Variants in DAGLB observed in about 807,000 individuals in gnomAD.
DAGLB encodes diacylglycerol lipase beta.
In DAGLB, 66 loss-of-function variants were observed where a neutral mutation model predicts 72.1. That is an observed-to-expected ratio of 0.92 (90% CI 0.75 to 1.12). The LOEUF (loss-of-function observed/expected upper bound fraction) is 1.12, where lower values mean the gene tolerates loss of function less well. Among genes scored for constraint, DAGLB ranks in the 50% most tolerant of loss-of-function variants. The pLI, the probability that DAGLB is intolerant of heterozygous loss-of-function variation, is 0.00. For synonymous variants in DAGLB, 414 were observed against 359.5 expected (o/e 1.15, Z -1.71); for missense variants, 1,065 against 884.9 (o/e 1.20, Z -2.58).
intron 2 of DAGLB, among the ~76,000 whole-genome samples, chr7:6,443,017 CAA>C (rs71008392): frequency 1.0e-3 from 122 of 120,936 alleles, no homozygotes; most frequent in Middle Eastern, 8.2e-3. Flanking sequence ...TCTAAAAATA[CAA>C]AAAAAAAAAA....
At chr7:6,416,543 A>T in intron 11 of DAGLB, 84 bp downstream of exon 11, 2 of 1,509,096 alleles carry the variant, frequency 1.3e-6, no homozygotes, top group East Asian at 4.6e-5. Context: ...ACTTCATCTC[A>T]GGAAAATAAA....
At position 6,433,011 on chromosome 7, in the gene DAGLB, C is replaced by G. The variant is rs367772531; in HGVS notation, c.679-52G>C. 60 of 1,585,018 alleles carry G rather than the reference C, an allele frequency of 3.8e-5. 1 individual carries two copies. Among genetic ancestry groups the G allele is most frequent in the Middle Eastern group, 2.0e-4 (1 of 5,000 alleles). ...CATAAAACCCAGCAGGCACCACCCC[C>G]GGGTTCCCTAAAATCCAGTCTTCTA... On this transcript the variant is annotated intron_variant, in intron 4 of 14. Coordinates refer to ENST00000297056, the MANE Select transcript of DAGLB (RefSeq NM_139179.4).
At chr7:6,426,913 G>C (rs185273210) in intron 6 of DAGLB, among the ~76,000 whole-genome samples, 1 of 152,308 alleles carries the variant, frequency 6.6e-6, no homozygotes, top group East Asian at 1.9e-4. Flanking sequence ...TTCGAGACCA[G>C]TCTGGCCAAC....
At chr7:6,415,801 C>T (rs1283151483) in intron 11 of DAGLB, among the ~76,000 whole-genome samples, 8 of 150,796 alleles carry the variant, frequency 5.3e-5, no homozygotes, top group South Asian at 2.1e-4. Flanking sequence ...GCCGAGATCA[C>T]GCCACTGCAC....
chr7:6,437,158 T>A (rs10951984), intron 2 of DAGLB, among the ~76,000 whole-genome samples: 18,987 of 103,700 alleles, frequency 0.18, 1,920 homozygotes, highest in East Asian at 0.48. Flanking sequence ...CGTCTCAAAA[T>A]AATAATAATA....
intron 6 of DAGLB, among the ~76,000 whole-genome samples, chr7:6,427,350 T>C (rs968055678): frequency 2.6e-5 from 4 of 152,062 alleles, no homozygotes; most frequent in African/African-American, 9.7e-5. Flanking sequence ...GGCTTTGGAC[T>C]AGAATTAAAA....
At position 6,442,130 on chromosome 7, in the gene DAGLB, T is replaced by A. The variant is rs760357153; in HGVS notation, c.247+3823A>T. On this transcript the variant is annotated intron_variant, in intron 2 of 14. Transcript: ENST00000297056. ...CTCCCTGACTCTCACTGGGCCAAAC[T>A]GGGTCACGTGTCCATTCCTGAACCA... 2.0e-4 allele frequency among the ~76,000 whole-genome samples: 30 copies of A among 152,310 alleles called. No individual in the cohort carries two copies. The Middle Eastern group carries it at 0.017, about 86-fold the overall frequency.
chr7:6,411,001 C>T (rs1346345278), intron 13 of DAGLB, among the ~76,000 whole-genome samples: 1 of 151,260 alleles, frequency 6.6e-6, no homozygotes, highest in Non-Finnish European at 1.5e-5. Flanking sequence ...TCTCCTGCCT[C>T]AGCCACCAGA....
At chr7:6,415,509 C>T (rs143554032) in intron 11 of DAGLB, among the ~76,000 whole-genome samples, 3 of 150,324 alleles carry the variant, frequency 2.0e-5, no homozygotes, top group East Asian at 4.0e-4. Flanking sequence ...AAAGGTTACA[C>T]AGAACAGTCA....
At chr7:6,427,755 T>C (rs1360203466) in intron 6 of DAGLB, among the ~76,000 whole-genome samples, 3 of 152,044 alleles carry the variant, frequency 2.0e-5, no homozygotes, top group African/African-American at 4.8e-5. Context: ...GATACCACTA[T>C]ACTCTAGCCT....
At chr7:6,410,571 T>G (rs1377489733) in intron 13 of DAGLB, among the ~76,000 whole-genome samples, 191 bp from the exon 14 acceptor site, 5 of 152,192 alleles carry the variant, frequency 3.3e-5, no homozygotes, top group Admixed American at 3.3e-4. Context: ...CAAGGCTCTA[T>G]GCCTAGTCAC....
intron 8 of DAGLB, among the ~76,000 whole-genome samples, chr7:6,423,757 T>A (rs1784212159): frequency 6.6e-6 from 1 of 152,000 alleles, no homozygotes. Context: ...CTGGCTAATT[T>A]TCTGTATTTT....
intron 13 of DAGLB, among the ~76,000 whole-genome samples, chr7:6,412,175 A>G (rs924486860): frequency 1.2e-4 from 19 of 152,136 alleles, no homozygotes; most frequent in African/African-American, 4.6e-4. Context: ...TAGCCTCCCA[A>G]AGGGCTGGGA....
At chr7:6,413,140 A>G in intron 11 of DAGLB, 106 bp from the exon 12 acceptor site, 2 of 1,192,394 alleles carry the variant, frequency 1.7e-6, no homozygotes, top group South Asian at 1.4e-5. Flanking sequence ...CCCAGGCCTC[A>G]GCTCTGTTCT....
rs776522826 is a variant in DAGLB, at chr7:6,430,548, C to T, written c.861G>A (p.Ala287=). ...AGATGTAGAGGGGCCACCCATAGGC[C>T]GCTGCTGCAAACTGCATGTAATGAT... is the stretch of plus-strand genomic sequence containing the variant. ...NCHHYMQFAA[A]AYGWPLYIYR... is the part of the protein sequence containing the mutation. Residue 287 remains alanine (A), a synonymous_variant, in exon 6 of 15, where the codon GCG becomes GCA. Coordinates refer to ENST00000297056, the MANE Select transcript of DAGLB (RefSeq NM_139179.4). 3.7e-6 allele frequency: 6 copies of T among 1,602,930 alleles called. No homozygotes were observed. The highest frequency in any genetic ancestry group is 1.3e-5 in the African/African-American group (1 of 74,752).
rs1784736007 is a variant in DAGLB at position 6,438,560 on chromosome 7, G to A, written c.248-2027C>T. Among the ~76,000 whole-genome samples, 5 of 151,738 alleles carry A rather than the reference G, an allele frequency of 3.3e-5. No individual in the cohort carries two copies. In the South Asian group the frequency reaches 8.3e-4, roughly 25 times the overall value. On this transcript the variant is annotated intron_variant, in intron 2 of 14. Transcript: ENST00000297056. ...ATAGCCAAACACCCCAGAGAAACAG[G>A]AAACAGTATCTGCATACACACTGCT...
chr7:6,437,780 C>T (rs1784710867), intron 2 of DAGLB, among the ~76,000 whole-genome samples: 1 of 152,070 alleles, frequency 6.6e-6, no homozygotes. Flanking sequence ...TCCCTAGTAG[C>T]TGGGATTAGA....
chr7:6,442,358 G>A (rs1583303236), intron 2 of DAGLB, among the ~76,000 whole-genome samples: 1 of 152,062 alleles, frequency 6.6e-6, no homozygotes, highest in African/African-American at 2.4e-5. Flanking sequence ...TGTCTAGGAA[G>A]AGGGAACGGA....
chr7:6,425,857 A>G, intron 7 of DAGLB, 131 bp downstream of exon 7: 1 of 1,435,660 alleles, frequency 7.0e-7, no homozygotes, highest in Non-Finnish European at 9.3e-7. Flanking sequence ...CCTCTGAAAT[A>G]GTACACAGGA....
Sources: allele counts gnomAD v4.1 joint callset (sites outside exome capture counted in the v4.1 genomes callset), GRCh38; gene constraint gnomAD v4.1.1; transcripts MANE v1.5; gene names NCBI Gene and HGNC (gene_info 2026-07-23, HGNC 2026-07-21).